Variants in TOLLIP observed in about 807,000 individuals in gnomAD.
The protein encoded by TOLLIP is toll-interacting protein.
TOLLIP carries 16 observed loss-of-function variants against 33.5 expected under a neutral mutation model. That is an observed-to-expected ratio of 0.48 (90% CI 0.32 to 0.72). The LOEUF (loss-of-function observed/expected upper bound fraction) is 0.72, where lower values mean the gene tolerates loss of function less well. TOLLIP is among the 30% of genes least tolerant of loss of function. The pLI, the probability that TOLLIP is intolerant of heterozygous loss-of-function variation, is 0.03. For missense variants in TOLLIP, 325 were observed against 396.6 expected (o/e 0.82, Z 1.53); for synonymous variants, 176 against 163.7 (o/e 1.07, Z -0.57).
At chr11:1,280,474 C>T (rs923332198) in intron 5 of TOLLIP, among the ~76,000 whole-genome samples, 7 of 152,042 alleles carry the variant, frequency 4.6e-5, no homozygotes, top group Non-Finnish European at 5.9e-5. Flanking sequence ...GAGACGCAGG[C>T]CAGGATGACG....
chr11:1,290,659 G>A lies in TOLLIP; in HGVS notation c.184-250C>T, dbSNP rs958465106. Among the ~76,000 whole-genome samples the A allele has an allele frequency of 4.6e-5, 7 of 152,108 alleles. No individual in the cohort carries two copies. Among genetic ancestry groups the A allele is most frequent in the South Asian group, 2.1e-4 (1 of 4,822 alleles). On this transcript the variant is annotated intron_variant, in intron 2 of 5. Coordinates refer to ENST00000317204, the MANE Select transcript of TOLLIP (RefSeq NM_019009.4). This position sits in a 1 kb window ranked among gnomAD's most constrained non-coding sequence, Gnocchi z 4.9. ...CTCGTCCTTGACAGCAGAAACCTAC[G>A]ACGCTCACAGACACAGCTGAGGCCG... is the stretch of plus-strand genomic sequence containing the variant.
chr11:1,283,335 G>A (rs1028297534), intron 5 of TOLLIP: 2 of 340,036 alleles, frequency 5.9e-6, no homozygotes, highest in Admixed American at 4.4e-5. Flanking sequence ...GGCCATGGAG[G>A]GCCAGTGACC....
rs560889833 is a variant in TOLLIP, at chr11:1,279,000, G to A, written c.611-1747C>T. Reference sequence around the variant, plus strand: ...GGCCATCGCCTGTCCCTGCCCACACGTCTCCCCACAGCGTGGCAACATGAG... The same window carrying A: ...GGCCATCGCCTGTCCCTGCCCACACATCTCCCCACAGCGTGGCAACATGAG... On this transcript the variant is annotated intron_variant, in intron 5 of 5. Coordinates refer to ENST00000317204, the MANE Select transcript of TOLLIP (RefSeq NM_019009.4). This position sits in a 1 kb window ranked among gnomAD's most constrained non-coding sequence, Gnocchi z 4.7. Among the ~76,000 whole-genome samples, 9 of 152,210 alleles carry A rather than the reference G, an allele frequency of 5.9e-5. No homozygotes were observed. The highest frequency in any genetic ancestry group is 1.0e-4 in the Non-Finnish European group (7 of 68,006).
intron 2 of TOLLIP, among the ~76,000 whole-genome samples, chr11:1,292,810 G>A (rs567867385): frequency 5.3e-5 from 8 of 152,246 alleles, no homozygotes; most frequent in Non-Finnish European, 1.0e-4. Flanking sequence ...CGCAGCAGAC[G>A]GCGTTACCAC....
intron 1 of TOLLIP, among the ~76,000 whole-genome samples, chr11:1,300,237 T>C (rs905628253): frequency 6.6e-6 from 1 of 152,222 alleles, no homozygotes; most frequent in African/African-American, 2.4e-5. Flanking sequence ...AGTTTTAAAA[T>C]GTAACTTCAA....
chr11:1,306,354 T>A (rs1416038273), intron 1 of TOLLIP, among the ~76,000 whole-genome samples: 1 of 151,914 alleles, frequency 6.6e-6, no homozygotes, highest in Non-Finnish European at 1.5e-5. Context: ...GCGGCCCCTC[T>A]GCTCCTTCAC....
At chr11:1,291,530 C>A (rs902167251) in intron 2 of TOLLIP, among the ~76,000 whole-genome samples, 6 of 151,472 alleles carry the variant, frequency 4.0e-5, no homozygotes, top group South Asian at 2.1e-4. Flanking sequence ...CACCACCCAC[C>A]CCCCGAAGGC....
chr11:1,295,318 G>A, intron 2 of TOLLIP: 1 of 229,834 alleles, frequency 4.4e-6, no homozygotes, highest in Non-Finnish European at 8.5e-6. Flanking sequence ...TGGCGGGGGT[G>A]CCGGCCGCGC....
At chr11:1,282,461 A>G (rs1309382281) in intron 5 of TOLLIP, among the ~76,000 whole-genome samples, 4 of 151,334 alleles carry the variant, frequency 2.6e-5, no homozygotes, top group African/African-American at 4.9e-5. Flanking sequence ...CCTAAAACTT[A>G]AAGTATAATT....
intron 1 of TOLLIP, among the ~76,000 whole-genome samples, chr11:1,302,185 G>GC (rs1864299517): frequency 6.6e-6 from 1 of 152,224 alleles, no homozygotes; most frequent in Non-Finnish European, 1.5e-5. Context: ...TCCACCCGAT[G>GC]CCCGCACACC....
At chr11:1,300,178 T>C (rs1864227958) in intron 1 of TOLLIP, among the ~76,000 whole-genome samples, 1 of 152,222 alleles carries the variant, frequency 6.6e-6, no homozygotes. Flanking sequence ...CATTTTATCT[T>C]CTCTGAAAAT....
chr11:1,279,130 C>A (rs1863407511), intron 5 of TOLLIP, among the ~76,000 whole-genome samples: 1 of 152,260 alleles, frequency 6.6e-6, no homozygotes, highest in Non-Finnish European at 1.5e-5. Context: ...GGCTGTGACG[C>A]TGCGACGTCA....
In TOLLIP at chr11:1,309,548, G is replaced by T; in HGVS notation, c.-50C>A. 3 of 1,185,406 alleles carry T rather than the reference G, an allele frequency of 2.5e-6. No homozygotes were observed. The highest frequency in any genetic ancestry group is 3.2e-6 in the Non-Finnish European group (3 of 928,330). The allele number at this position is 1,185,406 out of a possible 1,614,324, so 73.4% of individuals were successfully genotyped here. ...CGCCGACCCGACAGTGACGCGCCGGGCGACCTCCTGCGCCCCCGCCGGAGC... is the reference window on the plus strand; with the variant it reads ...CGCCGACCCGACAGTGACGCGCCGGTCGACCTCCTGCGCCCCCGCCGGAGC... On this transcript the variant is annotated 5_prime_UTR_variant, in exon 1 of 6. Transcript: ENST00000317204.
intron 2 of TOLLIP, among the ~76,000 whole-genome samples, chr11:1,295,218 G>A (rs1334802592): frequency 3.9e-5 from 6 of 152,238 alleles, no homozygotes; most frequent in South Asian, 2.1e-4. Context: ...GGCCGGCCCC[G>A]AGGCTGACCG....
At chr11:1,279,243 T>C (rs1863412593) in intron 5 of TOLLIP, among the ~76,000 whole-genome samples, 1 of 152,182 alleles carries the variant, frequency 6.6e-6, no homozygotes, top group Non-Finnish European at 1.5e-5. Flanking sequence ...ACACACTCAC[T>C]TGGGGAGCAG....
intron 1 of TOLLIP, among the ~76,000 whole-genome samples, chr11:1,309,162 G>A (rs1410948923): frequency 6.6e-6 from 1 of 151,140 alleles, no homozygotes; most frequent in African/African-American, 2.4e-5. Flanking sequence ...CATGGGGCAC[G>A]GGGCCCGCCT....
chr11:1,279,288 T>C (rs560531584), intron 5 of TOLLIP, among the ~76,000 whole-genome samples: 1 of 152,300 alleles, frequency 6.6e-6, no homozygotes, highest in African/African-American at 2.4e-5. Context: ...GCTTCCACGG[T>C]GTGGGCTGAG....
intron 1 of TOLLIP, among the ~76,000 whole-genome samples, chr11:1,309,000 G>A (rs1337987662): frequency 6.6e-6 from 1 of 151,568 alleles, no homozygotes; most frequent in Non-Finnish European, 1.5e-5. Context: ...GGGACCATTA[G>A]GGTTCAGGGC....
intron 1 of TOLLIP, chr11:1,302,831 C>T: frequency 1.0e-6 from 1 of 979,524 alleles, no homozygotes; most frequent in South Asian, 4.7e-5. Context: ...CCCACATCCT[C>T]CTCCCACGGC....
Sources: gnomAD v4.1 joint callset for allele counts (sites outside exome capture counted in the v4.1 genomes callset) on GRCh38, gnomAD v4.1.1 for gene constraint, Gnocchi (gnomAD v3.1) non-coding constraint, MANE v1.5 for transcripts, NCBI Gene and HGNC (gene_info 2026-07-23, HGNC 2026-07-21) for gene names.